The following TAGAP variants were observed in gnomAD, a reference collection of about 807,000 sequenced individuals.
TAGAP encodes T cell activation RhoGTPase activating protein, also known as T-cell activation Rho GTPase-activating protein.
TAGAP carries 16 observed loss-of-function variants against 36.0 expected under a neutral mutation model. That is an observed-to-expected ratio of 0.44 (90% CI 0.30 to 0.68). The LOEUF (loss-of-function observed/expected upper bound fraction) is 0.68. TAGAP is among the 30% of genes least tolerant of loss of function. TAGAP has a pLI of 0.09. For synonymous variants in TAGAP, 372 were observed against 377.4 expected, an observed-to-expected ratio of 0.99 and a Z score of 0.17; for missense variants, 794 against 921.5, an observed-to-expected ratio of 0.86 and a Z score of 1.79.
Position 159,042,194 on chromosome 6 carries a change from G to A in TAGAP, c.199C>T (p.Leu67Phe), listed in dbSNP as rs778299145. Residue 67 changes from leucine to phenylalanine, a missense_variant, in exon 5 of 10, where the codon CTC becomes TTC. Physicochemically the swap from Leu to Phe is conservative, Grantham distance 22 (BLOSUM62 0). Transcript: ENST00000367066. Reference protein sequence around the residue: ...VLSWPFLMRRLSPASDFSGAL... With the variant: ...VLSWPFLMRRFSPASDFSGAL... ...CCAGAAAAATCTGATGCAGGGGAGA[G>A]CCTTCTCATGAGAAAGGGCCAGGAC... 1 of 1,614,116 alleles carries A rather than the reference G, an allele frequency of 6.2e-7. No homozygotes were observed. The highest frequency in any genetic ancestry group is 8.5e-7 in the Non-Finnish European group (1 of 1,180,024).
intron 8 of TAGAP, 91 bp downstream of exon 8, chr6:159,039,023 G>A: frequency 1.3e-6 from 2 of 1,599,524 alleles, no homozygotes. Context: ...TGAGTCAGTT[G>A]GAGACATTCT....
chr6:159,039,290 G>A lies in TAGAP; in HGVS notation c.607C>T (p.Arg203Trp), dbSNP rs751800889. 1.5e-5 allele frequency: 25 copies of A among 1,612,954 alleles called. No homozygotes were observed. The highest frequency in any genetic ancestry group is 5.0e-5 in the Admixed American group (3 of 60,018). ...ALKQVADKLP[R>W]PNLLLLKHLV... Reference sequence around the variant, plus strand: ...TGCTTGAGTAGCAGGAGGTTGGGCCGGGGGAGCTTATCTGCAACCCTGGAA... The same window carrying A: ...TGCTTGAGTAGCAGGAGGTTGGGCCAGGGGAGCTTATCTGCAACCCTGGAA... Residue 203 changes from arginine to tryptophan, a missense_variant, in exon 8 of 10, where the codon CGG becomes TGG. By Grantham distance (101) the Arg-to-Trp change is moderately radical (BLOSUM62 -3). Coordinates refer to ENST00000367066, the MANE Select transcript of TAGAP (RefSeq NM_054114.5).
chr6:159,041,932 C>T lies in TAGAP; in HGVS notation c.315+146G>A, dbSNP rs565927947. Reference sequence around the variant, plus strand: ...AGTCAGATATTCTTCTGACTGCACGCGTATGTGGGAGTGCCATGTTGAAGA... The same window carrying T: ...AGTCAGATATTCTTCTGACTGCACGTGTATGTGGGAGTGCCATGTTGAAGA... On this transcript the variant is annotated intron_variant, in intron 5 of 9. Coordinates refer to ENST00000367066, the MANE Select transcript of TAGAP (RefSeq NM_054114.5). The surrounding 1 kb of genome is among the most constrained non-coding windows in gnomAD (Gnocchi z 4.1). 8.2e-5 allele frequency: 70 copies of T among 852,692 alleles called. No individual in the cohort carries two copies. Among genetic ancestry groups the T allele is most frequent in the Non-Finnish European group, 1.0e-4 (54 of 540,928 alleles). 52.8% of individuals were successfully genotyped at this position (852,692 alleles called of 1,614,324 possible). A position where few individuals can be genotyped will look rare whatever the true frequency, so the allele number is the denominator to read the frequency against.
Position 159,036,666 on chromosome 6 carries a change from G to A in TAGAP, c.1357C>T (p.Arg453Trp). The part of the protein sequence containing the change: ...KNLAPGSVLP[R>W]ALVLKAFSSS... ...GAGAAGGCTTTGAGAACCAGTGCCC[G>A]CGGGAGCACCGAACCCGGGGCCAAG... Residue 453 changes from arginine to tryptophan, a missense_variant, in exon 10 of 10, where the codon CGG becomes TGG. Physicochemically the swap from Arg to Trp is moderately radical, Grantham distance 101 (BLOSUM62 -3). Coordinates refer to ENST00000367066, the MANE Select transcript of TAGAP (RefSeq NM_054114.5). The surrounding 1 kb of genome is among the most constrained non-coding windows in gnomAD (Gnocchi z 4.9). The A allele has an allele frequency of 2.5e-6, 4 of 1,613,994 alleles. No individual in the cohort carries two copies. Among genetic ancestry groups the A allele is most frequent in the South Asian group, 1.1e-5 (1 of 91,078 alleles).
rs1453304492 is a variant in TAGAP at position 159,044,018 on chromosome 6, TTTAG to T, written c.37_40del (p.Leu13ThrfsTer8). ...GATTAGTGTCTCCATATTATTGGCG[TTTAG>T]TGTTTTTGACTAAAAGAGAAAAAAT... On this transcript the variant is annotated frameshift_variant, in exon 3 of 10. Coordinates refer to ENST00000367066, the MANE Select transcript of TAGAP (RefSeq NM_054114.5). LOFTEE classifies it high-confidence loss of function. 3.7e-6 allele frequency: 6 copies of T among 1,613,876 alleles called. No individual in the cohort carries two copies. Among genetic ancestry groups the T allele is most frequent in the Non-Finnish European group, 5.1e-6 (6 of 1,179,900 alleles).
At chr6:159,042,428 T>A (rs1779790211) in intron 4 of TAGAP, 184 bp from the exon 5 acceptor site, 2 of 1,352,182 alleles carry the variant, frequency 1.5e-6, no homozygotes, top group South Asian at 1.7e-5. Flanking sequence ...AACCAACCGA[T>A]AAACAACCAC....
intron 7 of TAGAP, among the ~76,000 whole-genome samples, chr6:159,040,332 C>T (rs1358106989): frequency 6.6e-6 from 1 of 152,196 alleles, no homozygotes; most frequent in East Asian, 1.9e-4. Context: ...AGAACTGTTG[C>T]CTTGCATGAC....
In TAGAP at chr6:159,037,992, A is replaced by G. The variant is rs1446341604; in HGVS notation, c.898+122T>C. 2 of 670,170 alleles carry G rather than the reference A, an allele frequency of 3.0e-6. No homozygotes were observed. The highest frequency in any genetic ancestry group is 3.6e-5 in the African/African-American group (2 of 55,386). The allele number at this position is 670,170 out of a possible 1,614,324, so 41.5% of individuals were successfully genotyped here. On this transcript the variant is annotated intron_variant, in intron 9 of 9. Transcript: ENST00000367066. This position sits in a 1 kb window ranked among gnomAD's most constrained non-coding sequence, Gnocchi z 5.1. ...ATGACTTCCTAATGGACTGGAGTCT[A>G]GTCTGACTCGGTGATTTGTGAAGGT... is the stretch of plus-strand genomic sequence containing the variant.
chr6:159,043,934 C>G, intron 3 of TAGAP, 44 bp downstream of exon 3: 3 of 1,552,388 alleles, frequency 1.9e-6, no homozygotes, highest in Non-Finnish European at 2.6e-6. Flanking sequence ...AGTTTTCCAC[C>G]TTCTCACAGT....
Position 159,042,176 on chromosome 6 carries a change from A to T in TAGAP, c.217T>A (p.Phe73Ile). Residue 73 changes from phenylalanine to isoleucine, a missense_variant, in exon 5 of 10, where the codon TTT becomes ATT. Coordinates refer to ENST00000367066, the MANE Select transcript of TAGAP (RefSeq NM_054114.5). ...LMRRLSPASD[F>I]SGALETDLKA... is the part of the protein sequence containing the mutation. Reference sequence around the variant, plus strand: ...AAGTCTGTCTCCAAAGCCCCAGAAAAATCTGATGCAGGGGAGAGCCTTCTC... The same window carrying T: ...AAGTCTGTCTCCAAAGCCCCAGAAATATCTGATGCAGGGGAGAGCCTTCTC... The T allele has an allele frequency of 6.2e-7, 1 of 1,614,178 alleles. No individual in the cohort carries two copies. The highest frequency in any genetic ancestry group is 8.5e-7 in the Non-Finnish European group (1 of 1,180,036).
chr6:159,042,593 G>T, intron 4 of TAGAP: 1 of 200,488 alleles, frequency 5.0e-6, no homozygotes, highest in Non-Finnish European at 1.0e-5. Context: ...CTACTGGCCT[G>T]AATAACTATA....
In TAGAP at chr6:159,040,900, G is replaced by A. The variant is rs573970453; in HGVS notation, c.478-68C>T. ...ATGTCCCATGTCCTTGTTTTCACCC[G>A]GTTTTCGTTCCATCGCAGGGTGCTC... On this transcript the variant is annotated intron_variant, in intron 6 of 9. Coordinates refer to ENST00000367066, the MANE Select transcript of TAGAP (RefSeq NM_054114.5). 3.4e-4 allele frequency: 433 copies of A among 1,288,608 alleles called. 4 individuals are homozygous for A. The highest frequency in any genetic ancestry group is 3.3e-3 in the South Asian group (272 of 81,898). 79.8% of individuals were successfully genotyped at this position (1,288,608 alleles called of 1,614,324 possible).
chr6:159,042,142 G>A lies in TAGAP; in HGVS notation c.251C>T (p.Ser84Leu), dbSNP rs1359914098. 11 of 1,614,068 alleles carry A rather than the reference G, an allele frequency of 6.8e-6. 1 individual carries two copies. The highest frequency in any genetic ancestry group is 3.3e-4 in the Middle Eastern group (2 of 6,082). ...SGALETDLKA[S>L]LFDQPLSIIC... ...AATTGACAAGGGCTGATCAAATAGCGATGCTTTCAAGTCTGTCTCCAAAGC... is the reference window on the plus strand; with the variant it reads ...AATTGACAAGGGCTGATCAAATAGCAATGCTTTCAAGTCTGTCTCCAAAGC... The change falls in exon 5 of 10, where the codon TCG (serine) becomes TTG (leucine). Residue 84 changes from serine to leucine, a missense_variant. By Grantham distance (145) the Ser-to-Leu change is moderately radical (BLOSUM62 -2). Transcript: ENST00000367066.
At position 159,038,342 on chromosome 6, in the gene TAGAP, G is replaced by A. The variant is rs1779624207; in HGVS notation, c.784-114C>T. ...GTCAGGTGCCAAAATGAGAATCTGA[G>A]ATCTTTATGTGTCTGAAAAGAGCAT... On this transcript the variant is annotated intron_variant, in intron 8 of 9. Transcript: ENST00000367066. 1.8e-5 allele frequency: 11 copies of A among 598,656 alleles called. No individual in the cohort carries two copies. The South Asian group carries it at 2.0e-4, about 11-fold the overall frequency. 37.1% of individuals were successfully genotyped at this position (598,656 alleles called of 1,614,324 possible).
At chr6:159,043,797 G>A in intron 3 of TAGAP, 142 bp from the exon 4 acceptor site, 1 of 1,022,184 alleles carries the variant, frequency 9.8e-7, no homozygotes, top group Non-Finnish European at 1.5e-6. Context: ...GCTTCTAGAA[G>A]CAATATTAAG....
intron 8 of TAGAP, 34 bp from the exon 9 acceptor site, chr6:159,038,262 AGACT>A: frequency 4.9e-6 from 5 of 1,012,470 alleles, no homozygotes; most frequent in Middle Eastern, 2.3e-4. Flanking sequence ...GTCAGCTTGA[AGACT>A]TTTTTTTTTT....
At chr6:159,038,481 C>G (rs1317560043) in intron 8 of TAGAP, among the ~76,000 whole-genome samples, 1 of 151,732 alleles carries the variant, frequency 6.6e-6, no homozygotes, top group Non-Finnish European at 1.5e-5. Flanking sequence ...CTCTGCCTCC[C>G]GGGCTCAAGC....
In TAGAP at chr6:159,041,138, T is replaced by G. The variant is rs1054277483; in HGVS notation, c.477+216A>C. 2.6e-5 allele frequency: 17 copies of G among 664,400 alleles called. No homozygotes were observed. In the African/African-American group the frequency reaches 3.1e-4, roughly 12 times the overall value. The allele number at this position is 664,400 out of a possible 1,614,324, so 41.2% of individuals were successfully genotyped here. On this transcript the variant is annotated intron_variant, in intron 6 of 9. Coordinates refer to ENST00000367066, the MANE Select transcript of TAGAP (RefSeq NM_054114.5). The surrounding 1 kb of genome is among the most constrained non-coding windows in gnomAD (Gnocchi z 4.1). ...TCAAATTGCCCGTACTTGGCAAAGT[T>G]TTGGGAGAGCAGAATGCATCACTTT...
chr6:159,036,154 C>T lies in TAGAP; in HGVS notation c.1869G>A (p.Met623Ile), dbSNP rs1279061996. 10 of 1,613,022 alleles carry T rather than the reference C, an allele frequency of 6.2e-6. No homozygotes were observed. Among genetic ancestry groups the T allele is most frequent in the Non-Finnish European group, 8.5e-6 (10 of 1,179,640 alleles). The change falls in exon 10 of 10, where the codon ATG (methionine) becomes ATA (isoleucine). Residue 623 changes from methionine (M) to isoleucine (I), a missense_variant. By Grantham distance (10) the Met-to-Ile change is conservative. Coordinates refer to ENST00000367066, the MANE Select transcript of TAGAP (RefSeq NM_054114.5). This position sits in a 1 kb window ranked among gnomAD's most constrained non-coding sequence, Gnocchi z 4.9. ...AGTGCGCCTCCAGCATCCTCGCCCT[C>T]ATGCTCCCCACCGTCATGCTCCCCA... ...QTVGSMTVGS[M>I]RARMLEAHCL...
Sources: gnomAD v4.1 joint callset for allele counts (sites outside exome capture counted in the v4.1 genomes callset) on GRCh38, gnomAD v4.1.1 for gene constraint, Gnocchi (gnomAD v3.1) non-coding constraint, MANE v1.5 for transcripts, NCBI Gene and HGNC (gene_info 2026-07-23, HGNC 2026-07-21) for gene names.